The following CABLES1 variants were observed in gnomAD, a reference collection of about 807,000 sequenced individuals.
CABLES1 encodes CDK5 and ABL1 enzyme substrate 1.
CABLES1 carries 36 observed loss-of-function variants against 57.8 expected under a neutral mutation model. The ratio of observed to expected loss-of-function variants is 0.62; its 90% CI spans 0.48 to 0.82. The LOEUF (loss-of-function observed/expected upper bound fraction) is 0.82. Ranked by LOEUF, CABLES1 falls within the 40% of genes least tolerant of loss-of-function variation. CABLES1 has a pLI of 0.00. For missense variants in CABLES1, 767 were observed against 836.6 expected (o/e 0.92, Z 1.03); for synonymous variants, 374 against 363.0 (o/e 1.03, Z -0.35).
At chr18:23,194,740 T>C (rs1464169913) in intron 3 of CABLES1, among the ~76,000 whole-genome samples, 200 bp downstream of exon 3, 1 of 152,228 alleles carries the variant, frequency 6.6e-6, no homozygotes, top group Non-Finnish European at 1.5e-5. Flanking sequence ...GAATAATGAA[T>C]GCTCTCTAAG....
intron 3 of CABLES1, among the ~76,000 whole-genome samples, chr18:23,207,200 A>G (rs1023055799): frequency 8.5e-5 from 13 of 152,218 alleles, no homozygotes; most frequent in Non-Finnish European, 1.3e-4. Flanking sequence ...ACCCTTAGTA[A>G]GTGCACAGCT....
chr18:23,150,272 G>A (rs1220024392), intron 1 of CABLES1, among the ~76,000 whole-genome samples: 3 of 147,154 alleles, frequency 2.0e-5, no homozygotes, highest in East Asian at 2.0e-4. Flanking sequence ...GCAGTGGCGC[G>A]ATCTTGGCTC....
rs769860262 is a variant in CABLES1, at chr18:23,214,151, C to T, written c.1088+97C>T. On this transcript the variant is annotated intron_variant, in intron 4 of 9. Transcript: ENST00000256925. ...ATCCTTTCCATTTTCAAGAAGTTGC[C>T]TTGCTTTGATACTGCAAATTCAGTA... 8 of 811,566 alleles carry T rather than the reference C, an allele frequency of 9.9e-6. No homozygotes were observed. The South Asian group carries it at 9.9e-5, about 10-fold the overall frequency. The allele number at this position is 811,566 out of a possible 1,614,324, so 50.3% of individuals were successfully genotyped here.
intron 1 of CABLES1, among the ~76,000 whole-genome samples, chr18:23,146,177 G>T (rs1025655771): frequency 6.6e-6 from 1 of 152,240 alleles, no homozygotes; most frequent in African/African-American, 2.4e-5. Flanking sequence ...TTTAAGAAGG[G>T]CTGGGTGGCG....
intron 1 of CABLES1, among the ~76,000 whole-genome samples, chr18:23,172,768 G>C (rs564551338): frequency 6.6e-6 from 1 of 152,204 alleles, no homozygotes; most frequent in African/African-American, 2.4e-5. Flanking sequence ...AAGCCTTCCT[G>C]AACAGCCTGG....
At chr18:23,207,802 C>T (rs935336371) in intron 3 of CABLES1, among the ~76,000 whole-genome samples, 1 of 152,168 alleles carries the variant, frequency 6.6e-6, no homozygotes, top group African/African-American at 2.4e-5. Context: ...GGAGGCCTGC[C>T]TGCAGTATGT....
chr18:23,162,585 A>G (rs1453738862), intron 1 of CABLES1, among the ~76,000 whole-genome samples: 2 of 152,212 alleles, frequency 1.3e-5, no homozygotes, highest in African/African-American at 4.8e-5. Context: ...AAATATGGGT[A>G]AAGTTGGGTT....
chr18:23,175,422 T>C (rs550552041), intron 1 of CABLES1, among the ~76,000 whole-genome samples: 4 of 152,370 alleles, frequency 2.6e-5, no homozygotes, highest in Non-Finnish European at 4.4e-5. Flanking sequence ...GGGCTTCTGC[T>C]GGCTTGCCGA....
chr18:23,177,356 G>T (rs966348660), intron 1 of CABLES1, among the ~76,000 whole-genome samples: 1 of 151,460 alleles, frequency 6.6e-6, no homozygotes, highest in Non-Finnish European at 1.5e-5. Flanking sequence ...TGAAGTGTTC[G>T]TAGCCCTGTA....
At chr18:23,229,541 C>T (rs995339406) in intron 4 of CABLES1, among the ~76,000 whole-genome samples, 4 of 152,254 alleles carry the variant, frequency 2.6e-5, no homozygotes, top group Non-Finnish European at 4.4e-5. Flanking sequence ...GTTCGACATT[C>T]TCTAGCTCTA....
At chr18:23,253,175 T>G in intron 8 of CABLES1, 109 bp downstream of exon 8, 2 of 672,550 alleles carry the variant, frequency 3.0e-6, no homozygotes, top group South Asian at 3.4e-5. Flanking sequence ...AGTGATTGAG[T>G]CATTGTCACA....
intron 7 of CABLES1, among the ~76,000 whole-genome samples, chr18:23,242,089 A>G (rs1289170200): frequency 2.0e-5 from 3 of 152,188 alleles, no homozygotes; most frequent in Non-Finnish European, 4.4e-5. Flanking sequence ...CAGCCTGACC[A>G]ACGTGGTGAA....
rs1395937805 is a variant in CABLES1 at position 23,259,073 on chromosome 18, T to C, written c.*1706T>C. The C allele has an allele frequency of 6.6e-6, 1 of 151,988 alleles. No individual in the cohort carries two copies. Among genetic ancestry groups the C allele is most frequent in the Non-Finnish European group, 1.5e-5 (1 of 68,004 alleles). 9.4% of individuals were successfully genotyped at this position (151,988 alleles called of 1,614,324 possible). On this transcript the variant is annotated 3_prime_UTR_variant, in exon 10 of 10. Transcript: ENST00000256925. ...ATCGAAAGCTAGATCAACTGGTACT[T>C]AGGGCACTTGCTGTTTATAAAGCAA...
chr18:23,174,505 T>C (rs941535748), intron 1 of CABLES1, among the ~76,000 whole-genome samples: 1 of 151,986 alleles, frequency 6.6e-6, no homozygotes, highest in African/African-American at 2.4e-5. Context: ...AGAGTCTCGC[T>C]GTGTCGCCCA....
chr18:23,135,674 CG>C lies in CABLES1; in HGVS notation c.-86del. 1 of 978,638 alleles carries C rather than the reference CG, an allele frequency of 1.0e-6. No homozygotes were observed. The highest frequency in any genetic ancestry group is 4.7e-5 in the South Asian group (1 of 21,218). 60.6% of individuals were successfully genotyped at this position (978,638 alleles called of 1,614,324 possible). The stretch of plus-strand genomic sequence containing the variant: ...CCCGATCCCCGCGCCCTACCCAGCC[CG>C]GGTCGCCGCCGCTCGCGCCCGCCGC... On this transcript the variant is annotated 5_prime_UTR_variant, in exon 1 of 10. The change abolishes the stop of an existing upstream ORF in the 5' untranslated region. Coordinates refer to ENST00000256925, the MANE Select transcript of CABLES1 (RefSeq NM_001100619.3).
intron 1 of CABLES1, among the ~76,000 whole-genome samples, chr18:23,165,269 T>A (rs1253753001): frequency 6.6e-6 from 1 of 152,112 alleles, no homozygotes; most frequent in African/African-American, 2.4e-5. Context: ...TTTAATTTTT[T>A]ATTTTTTTAT....
intron 3 of CABLES1, among the ~76,000 whole-genome samples, chr18:23,195,209 A>AG (rs1283532116): frequency 6.6e-6 from 1 of 152,220 alleles, no homozygotes; most frequent in Non-Finnish European, 1.5e-5. Context: ...TGGATGGCTA[A>AG]GTCCATTCAT....
chr18:23,166,642 T>C (rs907235157), intron 1 of CABLES1, among the ~76,000 whole-genome samples: 1 of 152,228 alleles, frequency 6.6e-6, no homozygotes, highest in African/African-American at 2.4e-5. Context: ...AATGTTTTAG[T>C]GTAGGACACG....
chr18:23,151,956 G>C (rs2046933744), intron 1 of CABLES1, among the ~76,000 whole-genome samples: 1 of 152,218 alleles, frequency 6.6e-6, no homozygotes, highest in Non-Finnish European at 1.5e-5. Context: ...ACTCAACAGA[G>C]ATGAAAGGCA....
Sources: allele counts gnomAD v4.1 joint callset (sites outside exome capture counted in the v4.1 genomes callset), GRCh38; gene constraint gnomAD v4.1.1; transcripts MANE v1.5; gene names NCBI Gene and HGNC (gene_info 2026-07-23, HGNC 2026-07-21).